Variants in NPAS3 observed in about 807,000 individuals in gnomAD.
The protein encoded by NPAS3 is neuronal PAS domain-containing protein 3.
In NPAS3, 14 loss-of-function variants were observed where a neutral mutation model predicts 73.1. The ratio of observed to expected loss-of-function variants is 0.19; its 90% CI spans 0.13 to 0.30. NPAS3 has a LOEUF of 0.30. NPAS3 is among the 10% of genes least tolerant of loss of function. The pLI is 1.00. For missense variants in NPAS3, 1,096 were observed against 1,250.0 expected (o/e 0.88, Z 1.86); for synonymous variants, 620 against 541.5 (o/e 1.14, Z -2.01).
intron 4 of NPAS3, among the ~76,000 whole-genome samples, chr14:33,502,757 T>C (rs1395807280): frequency 6.6e-6 from 1 of 151,986 alleles, no homozygotes; most frequent in Non-Finnish European, 1.5e-5. Flanking sequence ...CCTAGTTTCC[T>C]TCTCTTCTGT....
intron 1 of NPAS3, among the ~76,000 whole-genome samples, chr14:33,039,943 C>T (rs985465189): frequency 7.2e-5 from 11 of 152,122 alleles, no homozygotes; most frequent in African/African-American, 2.7e-4. Context: ...GTTTGGTGAT[C>T]TATTTAATTA....
intron 2 of NPAS3, among the ~76,000 whole-genome samples, chr14:33,145,713 C>G (rs75815859): frequency 6.6e-6 from 1 of 151,948 alleles, no homozygotes; most frequent in Admixed American, 6.6e-5. Flanking sequence ...TTTGTTTTTC[C>G]TATTGCCTAT....
chr14:33,739,083 A>G (rs1345870523), intron 7 of NPAS3, among the ~76,000 whole-genome samples: 2 of 152,174 alleles, frequency 1.3e-5, no homozygotes, highest in African/African-American at 2.4e-5. Flanking sequence ...CCTCATTCTA[A>G]TGGCACAGTA....
intron 5 of NPAS3, among the ~76,000 whole-genome samples, chr14:33,581,498 C>T (rs1958543): frequency 1 from 151,872 of 152,364 alleles, 75,691 homozygotes; most frequent in Middle Eastern, 1. Context: ...TCCTTCACAA[C>T]GGATTTATAT....
At chr14:33,258,788 A>G (rs1566732249) in intron 3 of NPAS3, among the ~76,000 whole-genome samples, 1 of 152,040 alleles carries the variant, frequency 6.6e-6, no homozygotes, top group Admixed American at 6.6e-5. Flanking sequence ...GAAAATACTC[A>G]TTTTTATCAT....
At chr14:33,637,530 A>G (rs920213602) in intron 5 of NPAS3, among the ~76,000 whole-genome samples, 2 of 152,192 alleles carry the variant, frequency 1.3e-5, no homozygotes, top group African/African-American at 2.4e-5. Flanking sequence ...ATCGTTCAGG[A>G]AGGGGAAAAA....
At chr14:33,687,993 T>A (rs1315173134) in intron 6 of NPAS3, among the ~76,000 whole-genome samples, 1 of 152,224 alleles carries the variant, frequency 6.6e-6, no homozygotes, top group South Asian at 2.1e-4. Context: ...CTTCTCTGCT[T>A]TCTAAAATGC....
At chr14:33,189,855 A>T (rs2046107020) in intron 2 of NPAS3, among the ~76,000 whole-genome samples, 1 of 152,196 alleles carries the variant, frequency 6.6e-6, no homozygotes, top group Non-Finnish European at 1.5e-5. Flanking sequence ...AAGGAATACA[A>T]ATGCAACTTT....
intron 3 of NPAS3, among the ~76,000 whole-genome samples, chr14:33,352,562 A>G (rs979400472): frequency 6.6e-6 from 1 of 152,210 alleles, no homozygotes; most frequent in Non-Finnish European, 1.5e-5. Flanking sequence ...ATCCAAGTTC[A>G]CCAACTAGTA....
chr14:33,503,473 G>A (rs1286353992), intron 4 of NPAS3, among the ~76,000 whole-genome samples: 1 of 151,896 alleles, frequency 6.6e-6, no homozygotes, highest in Non-Finnish European at 1.5e-5. Flanking sequence ...GACCGTAATT[G>A]GTGAAACCGA....
chr14:33,221,498 G>A (rs1467799024), intron 3 of NPAS3, among the ~76,000 whole-genome samples: 7 of 152,048 alleles, frequency 4.6e-5, no homozygotes, highest in Admixed American at 6.6e-5. Flanking sequence ...ATGGTGGCTC[G>A]TGCCTATAAT....
intron 4 of NPAS3, among the ~76,000 whole-genome samples, chr14:33,490,966 T>TGCA (rs56325961): frequency 0.036 from 5,488 of 152,198 alleles, 125 homozygotes; most frequent in Admixed American, 0.064. Context: ...AATTTTTCAC[T>TGCA]GCAGCAGCAG....
intron 1 of NPAS3, among the ~76,000 whole-genome samples, chr14:33,030,002 G>C (rs75626333): frequency 0.026 from 3,904 of 152,286 alleles, 50 homozygotes; most frequent in Non-Finnish European, 0.03. Flanking sequence ...AACTGTCTCA[G>C]TGAGTTGTAC....
At chr14:33,329,157 A>G (rs942235914) in intron 3 of NPAS3, among the ~76,000 whole-genome samples, 7 of 152,170 alleles carry the variant, frequency 4.6e-5, no homozygotes, top group Admixed American at 6.5e-5. Flanking sequence ...TTCGCAGAGC[A>G]GATAGTTGTT....
At chr14:33,590,448 C>T (rs900294371) in intron 5 of NPAS3, among the ~76,000 whole-genome samples, 10 of 152,180 alleles carry the variant, frequency 6.6e-5, no homozygotes, top group Middle Eastern at 6.8e-3. Flanking sequence ...TCCTAATTGT[C>T]AAGGTGAGTG....
At chr14:33,712,015 T>A (rs1189540596) in intron 6 of NPAS3, among the ~76,000 whole-genome samples, 1 of 152,086 alleles carries the variant, frequency 6.6e-6, no homozygotes, top group Non-Finnish European at 1.5e-5. Context: ...CTCCGTTTGT[T>A]CTCAGGCAGA....
exon 9 of NPAS3, chr14:33,778,523 C>G (rs1205922955): frequency 3.7e-6 from 6 of 1,613,910 alleles, no homozygotes; most frequent in Non-Finnish European, 5.1e-6. Context: ...GATGCTACCA[C>G]TTCATCCATG....
chr14:33,034,769 C>A (rs565853262), intron 1 of NPAS3, among the ~76,000 whole-genome samples: 1 of 152,140 alleles, frequency 6.6e-6, no homozygotes, highest in African/African-American at 2.4e-5. Flanking sequence ...GAGCACCTAA[C>A]GCAGTGATCT....
At chr14:33,701,433 G>A (rs903160469) in intron 6 of NPAS3, among the ~76,000 whole-genome samples, 4 of 152,204 alleles carry the variant, frequency 2.6e-5, no homozygotes, top group African/African-American at 9.6e-5. Flanking sequence ...AACTGCGTAT[G>A]GATGTGAGTC....
Sources: allele counts gnomAD v4.1 joint callset (sites outside exome capture counted in the v4.1 genomes callset), GRCh38; gene constraint gnomAD v4.1.1; transcripts MANE v1.5; gene names NCBI Gene and HGNC (gene_info 2026-07-23, HGNC 2026-07-21).